The following SYN2 variants were observed in gnomAD, a reference collection of about 807,000 sequenced individuals.
SYN2 encodes the protein synapsin II.
SYN2 carries 19 observed loss-of-function variants against 50.9 expected under a neutral mutation model. That is an observed-to-expected ratio of 0.37 (90% confidence interval 0.26 to 0.55). The LOEUF (loss-of-function observed/expected upper bound fraction) is 0.55. SYN2 is among the 20% of genes least tolerant of loss of function. The pLI is 0.81. For missense variants in SYN2, 587 were observed against 576.4 expected (o/e 1.02, Z -0.19); for synonymous variants, 255 against 224.9 (o/e 1.13, Z -1.20).
intron 1 of SYN2, among the ~76,000 whole-genome samples, chr3:12,065,966 GGTTACC>G (rs1170017970): frequency 2.0e-5 from 3 of 152,168 alleles, no homozygotes; most frequent in Non-Finnish European, 4.4e-5. Context: ...GCAGATTAGT[GGTTACC>G]TAGGGCTACA....
intron 1 of SYN2, among the ~76,000 whole-genome samples, chr3:12,022,999 T>A (rs912429168): frequency 1.3e-5 from 2 of 151,674 alleles, no homozygotes; most frequent in African/African-American, 4.8e-5. Context: ...CTTACAAGAG[T>A]AGTAGGAAGT....
intron 10 of SYN2, among the ~76,000 whole-genome samples, chr3:12,182,686 G>A (rs1481856436): frequency 6.6e-6 from 1 of 152,236 alleles, no homozygotes; most frequent in Non-Finnish European, 1.5e-5. Context: ...CCCTTTGGGA[G>A]TTCCCAGCCG....
intron 1 of SYN2, among the ~76,000 whole-genome samples, chr3:12,047,905 T>G (rs1694774979): frequency 1.3e-5 from 2 of 152,194 alleles, no homozygotes; most frequent in Non-Finnish European, 2.9e-5. Flanking sequence ...CCATTCAGAT[T>G]TAAGATGGTT....
chr3:12,090,344 T>TCA (rs1278419202), intron 1 of SYN2, among the ~76,000 whole-genome samples: 4 of 149,266 alleles, frequency 2.7e-5, no homozygotes, highest in African/African-American at 9.9e-5. Flanking sequence ...ACGAAACAGG[T>TCA]CATACCTAGG....
chr3:12,139,205 G>T (rs1006689544), intron 1 of SYN2, among the ~76,000 whole-genome samples: 3 of 152,192 alleles, frequency 2.0e-5, no homozygotes, highest in Admixed American at 1.3e-4. Context: ...CTAGAACGGG[G>T]TGTTCCAGAA....
At chr3:12,162,858 A>G (rs1697686736) in intron 7 of SYN2, among the ~76,000 whole-genome samples, 2 of 152,248 alleles carry the variant, frequency 1.3e-5, no homozygotes, top group African/African-American at 4.8e-5. Flanking sequence ...AGTAAAGGAA[A>G]AGATTTCAAA....
At chr3:12,098,883 T>TATATAAC (rs1574939607) in intron 1 of SYN2, among the ~76,000 whole-genome samples, 1 of 93,276 alleles carries the variant, frequency 1.1e-5, no homozygotes, top group Non-Finnish European at 2.2e-5. Context: ...ATATATATAA[T>TATATAAC]GCAAATAGTA....
At chr3:12,108,725 A>T (rs190119566) in intron 1 of SYN2, among the ~76,000 whole-genome samples, 1 of 152,126 alleles carries the variant, frequency 6.6e-6, no homozygotes, top group African/African-American at 2.4e-5. Context: ...TCTTTTCTAA[A>T]ATCTGTACTA....
intron 1 of SYN2, among the ~76,000 whole-genome samples, chr3:12,125,934 A>T (rs550863847): frequency 1.4e-4 from 21 of 151,904 alleles, no homozygotes; most frequent in African/African-American, 4.6e-4. Flanking sequence ...AGATTTTTGC[A>T]TTGGGGTATG....
intron 5 of SYN2, 99 bp downstream of exon 5, chr3:12,151,425 A>G: frequency 1.1e-6 from 1 of 873,188 alleles, no homozygotes; most frequent in South Asian, 1.4e-5. Context: ...CAGCATCTCA[A>G]CCCCAAAGAC....
chr3:12,187,616 A>T lies in SYN2; in HGVS notation c.1613+4A>T. On this transcript the variant is annotated splice_donor_region_variant and intron_variant, in intron 12 of 12. Transcript: ENST00000621198. ...CCCAGCCTCACCCACAGCTCAAGTA[A>T]GAGACAACTCAGCAGCTCCTCCCTC... The T allele has an allele frequency of 6.5e-7, 1 of 1,540,248 alleles. No homozygotes were observed. Among genetic ancestry groups the T allele is most frequent in the Admixed American group, 2.0e-5 (1 of 50,640 alleles).
Position 12,157,357 on chromosome 3 carries a change from C to A in SYN2, c.775-4189C>A, listed in dbSNP as rs895733131. On this transcript the variant is annotated intron_variant, in intron 5 of 12. Transcript: ENST00000621198. ...CCACTTTCTCCATCAGCCTTAGGGG[C>A]TACACATCCCAGCCTGCCCCCATGT... 9.3e-6 allele frequency: 15 copies of A among 1,606,390 alleles called. No individual in the cohort carries two copies. In the Admixed American group the frequency reaches 1.8e-4, roughly 20 times the overall value.
chr3:12,084,673 A>G (rs980113337), intron 1 of SYN2, among the ~76,000 whole-genome samples: 4 of 152,210 alleles, frequency 2.6e-5, no homozygotes, highest in African/African-American at 9.6e-5. Flanking sequence ...CATCTCTTAT[A>G]TGAAGGTTGA....
At chr3:12,157,597 T>C in intron 5 of SYN2, 2 of 972,880 alleles carry the variant, frequency 2.1e-6, no homozygotes, top group South Asian at 2.9e-5. Flanking sequence ...GGTTTTGGTG[T>C]GGCTGGGTTG....
At chr3:12,061,121 G>C (rs1316230072) in intron 1 of SYN2, among the ~76,000 whole-genome samples, 1 of 152,110 alleles carries the variant, frequency 6.6e-6, no homozygotes, top group Non-Finnish European at 1.5e-5. Context: ...GGCTATTCTG[G>C]ACACAGCCAA....
chr3:12,151,213 G>A lies in SYN2; in HGVS notation c.685-24G>A, dbSNP rs371860476. The A allele has an allele frequency of 1.2e-5, 19 of 1,551,578 alleles. No individual in the cohort carries two copies. The East Asian group carries it at 1.8e-4, about 15-fold the overall frequency. On this transcript the variant is annotated intron_variant, in intron 4 of 12. Transcript: ENST00000621198. ...TTTCAGAAGTTATCTAAGATAAGCT[G>A]TAACATTTGCTTTTCTTTTGCAGTT...
intron 1 of SYN2, among the ~76,000 whole-genome samples, chr3:12,017,389 T>C (rs1694047529): frequency 6.6e-6 from 1 of 152,178 alleles, no homozygotes. Context: ...TAGCTCACAG[T>C]GAATTCGGAA....
intron 1 of SYN2, among the ~76,000 whole-genome samples, chr3:12,014,116 C>G (rs1304231654): frequency 6.6e-6 from 1 of 152,186 alleles, no homozygotes; most frequent in African/African-American, 2.4e-5. Context: ...CTGGACACAA[C>G]ACAATGGTCT....
At chr3:12,144,804 T>G (rs1039247) in intron 3 of SYN2, among the ~76,000 whole-genome samples, 14,652 of 152,150 alleles carry the variant, frequency 0.096, 983 homozygotes, top group African/African-American at 0.19. Flanking sequence ...GCAGATCACT[T>G]GAGGCCAGGA....
Sources: allele counts gnomAD v4.1 joint callset (sites outside exome capture counted in the v4.1 genomes callset), GRCh38; gene constraint gnomAD v4.1.1; transcripts MANE v1.5; gene names NCBI Gene and HGNC (gene_info 2026-07-23, HGNC 2026-07-21).